Variants in RAB3C observed in about 807,000 individuals in gnomAD.
RAB3C encodes ras-related protein Rab-3C.
RAB3C carries 17 observed loss-of-function variants against 26.4 expected under a neutral mutation model. That is an observed-to-expected ratio of 0.64 (90% CI 0.44 to 0.97). The LOEUF is 0.97. Among genes scored for constraint, RAB3C ranks in the 50% least tolerant of loss-of-function variants. The probability of loss-of-function intolerance (pLI) is 0.00; values close to 1 mark genes in which losing one functional copy is unlikely to be tolerated. For synonymous variants in RAB3C, 91 were observed against 95.9 expected, an observed-to-expected ratio of 0.95 and a Z score of 0.30; for missense variants, 242 against 281.9, an observed-to-expected ratio of 0.86 and a Z score of 1.01.
chr5:58,813,592 T>TTTTA (rs1253755139), intron 3 of RAB3C, among the ~76,000 whole-genome samples: 5 of 47,816 alleles, frequency 1.0e-4, no homozygotes, highest in South Asian at 7.5e-4. Context: ...ATATTTATAT[T>TTTTA]TATATATATA....
At chr5:58,632,802 C>T (rs1308486057) in intron 2 of RAB3C, among the ~76,000 whole-genome samples, 1 of 152,182 alleles carries the variant, frequency 6.6e-6, no homozygotes, top group East Asian at 1.9e-4. Flanking sequence ...TTACCATCCC[C>T]TTCCCTCTCT....
At chr5:58,641,034 G>A (rs1747403299) in intron 2 of RAB3C, among the ~76,000 whole-genome samples, 1 of 152,182 alleles carries the variant, frequency 6.6e-6, no homozygotes, top group Non-Finnish European at 1.5e-5. Context: ...GTTCATAAAT[G>A]AACTGCTTTA....
rs950353106 is a variant in RAB3C, at chr5:58,634,690, C to T, written c.252+16820C>T. ...TATAAAACTACTAAATCAGAGTGCC[C>T]CACCATCACCACCTCAGGTCACACC... On this transcript the variant is annotated intron_variant, in intron 2 of 4. Coordinates refer to ENST00000282878, the MANE Select transcript of RAB3C (RefSeq NM_138453.4). Among the ~76,000 whole-genome samples, 38 of 152,118 alleles carry T rather than the reference C, an allele frequency of 2.5e-4. 1 individual carries two copies. Among genetic ancestry groups the T allele is most frequent in the Admixed American group, 2.1e-3 (32 of 15,278 alleles).
intron 3 of RAB3C, among the ~76,000 whole-genome samples, chr5:58,811,821 C>T (rs1743097726): frequency 1.3e-5 from 2 of 151,888 alleles, no homozygotes; most frequent in Non-Finnish European, 2.9e-5. Context: ...CAGGTTCCCA[C>T]TGCCATTACC....
At chr5:58,629,141 T>G (rs1747133132) in intron 2 of RAB3C, among the ~76,000 whole-genome samples, 1 of 152,138 alleles carries the variant, frequency 6.6e-6, no homozygotes, top group Non-Finnish European at 1.5e-5. Flanking sequence ...TCTCACTCTT[T>G]TGGTAATCTG....
At chr5:58,762,758 A>T (rs1741824919) in intron 3 of RAB3C, among the ~76,000 whole-genome samples, 1 of 147,788 alleles carries the variant, frequency 6.8e-6, no homozygotes, top group Admixed American at 6.8e-5. Flanking sequence ...TTCACTTTTC[A>T]TAGGTGTCCA....
At chr5:58,670,564 A>G (rs900451039) in intron 2 of RAB3C, among the ~76,000 whole-genome samples, 1 of 152,232 alleles carries the variant, frequency 6.6e-6, no homozygotes, top group African/African-American at 2.4e-5. Flanking sequence ...CAACAGAAGA[A>G]AAAGTTAAGG....
intron 2 of RAB3C, among the ~76,000 whole-genome samples, chr5:58,683,682 T>C (rs1748390847): frequency 6.6e-6 from 1 of 152,228 alleles, no homozygotes; most frequent in South Asian, 2.1e-4. Flanking sequence ...TAAAATTGCA[T>C]CCCATTCTGA....
chr5:58,697,163 C>T (rs1276189862), intron 2 of RAB3C, among the ~76,000 whole-genome samples: 3 of 152,144 alleles, frequency 2.0e-5, no homozygotes, highest in Non-Finnish European at 2.9e-5. Flanking sequence ...TTTATTTCTA[C>T]CTTCATTTCG....
chr5:58,807,434 A>G (rs1268815708), intron 3 of RAB3C, among the ~76,000 whole-genome samples: 1 of 152,216 alleles, frequency 6.6e-6, no homozygotes, highest in Non-Finnish European at 1.5e-5. Flanking sequence ...AGTAGGTCTT[A>G]GTCATCTCAG....
At chr5:58,593,013 C>T (rs182382340) in intron 1 of RAB3C, among the ~76,000 whole-genome samples, 49 of 152,108 alleles carry the variant, frequency 3.2e-4, no homozygotes, top group African/African-American at 1.2e-3. Context: ...CAATTATTCT[C>T]TTCTTTTTCC....
At chr5:58,770,796 T>C (rs1742016036) in intron 3 of RAB3C, among the ~76,000 whole-genome samples, 1 of 152,148 alleles carries the variant, frequency 6.6e-6, no homozygotes, top group South Asian at 2.1e-4. Flanking sequence ...TTTACATGTG[T>C]TATTTTATAC....
intron 3 of RAB3C, among the ~76,000 whole-genome samples, chr5:58,794,968 A>G (rs1214577149): frequency 1.3e-5 from 2 of 152,210 alleles, no homozygotes; most frequent in Admixed American, 6.5e-5. Flanking sequence ...GATTATTGAT[A>G]TGGTTTGGCT....
chr5:58,726,097 A>G lies in RAB3C; in HGVS notation c.348A>G (p.Glu116=). The G allele has an allele frequency of 4.4e-6, 7 of 1,587,970 alleles. No homozygotes were observed. The highest frequency in any genetic ancestry group is 6.0e-6 in the Non-Finnish European group (7 of 1,158,714). Residue 116 remains glutamate (E), a synonymous_variant, in exon 3 of 5, where the codon GAA becomes GAG. Transcript: ENST00000282878. ...FILMYDITNE[E]SFNAVQDWST... ...TAATGTATGACATTACAAATGAAGA[A>G]TCCTTCAATGCAGTACAAGATTGGT... is the stretch of plus-strand genomic sequence containing the variant.
rs1197899089 is a variant in RAB3C, at chr5:58,696,289, G to A, written c.253-29713G>A. Among the ~76,000 whole-genome samples the A allele has an allele frequency of 2.0e-5, 3 of 152,136 alleles. No homozygotes were observed. The East Asian group carries it at 5.8e-4, about 29-fold the overall frequency. The stretch of plus-strand genomic sequence containing the variant: ...GGATGAAGCCAACTTGATCGTGGTG[G>A]ATAAGCTTTTTGATGTGCTGCTGGA... On this transcript the variant is annotated intron_variant, in intron 2 of 4. Coordinates refer to ENST00000282878, the MANE Select transcript of RAB3C (RefSeq NM_138453.4).
intron 2 of RAB3C, among the ~76,000 whole-genome samples, chr5:58,662,478 A>G (rs1403499057): frequency 2.0e-5 from 3 of 150,234 alleles, no homozygotes; most frequent in Non-Finnish European, 2.9e-5. Flanking sequence ...CCATACTGAT[A>G]TAGTTATTAA....
chr5:58,659,090 G>A (rs184340868), intron 2 of RAB3C, among the ~76,000 whole-genome samples: 11 of 152,152 alleles, frequency 7.2e-5, no homozygotes, highest in African/African-American at 1.4e-4. Context: ...GGCTATTTTC[G>A]CAATCTACCA....
chr5:58,823,124 G>T, intron 3 of RAB3C: 2 of 429,018 alleles, frequency 4.7e-6, no homozygotes, highest in Non-Finnish European at 4.5e-6. Context: ...GAATGATGCA[G>T]ATTACATGCA....
At chr5:58,813,939 C>G (rs868245508) in intron 3 of RAB3C, among the ~76,000 whole-genome samples, 1 of 152,102 alleles carries the variant, frequency 6.6e-6, no homozygotes, top group Non-Finnish European at 1.5e-5. Context: ...TTTCCACCAC[C>G]TACAGAGCTA....
Sources: gnomAD v4.1 joint callset for allele counts (sites outside exome capture counted in the v4.1 genomes callset) on GRCh38, gnomAD v4.1.1 for gene constraint, MANE v1.5 for transcripts, NCBI Gene and HGNC (gene_info 2026-07-23, HGNC 2026-07-21) for gene names.